RB1CC1: variants seen among roughly 807,000 people sequenced by gnomAD.
The protein encoded by RB1CC1 is RB1-inducible coiled-coil protein 1.
Under a neutral mutation model 177.5 loss-of-function variants are expected in RB1CC1, and 46 were observed. The observed-to-expected ratio is 0.26, with a 90% CI of 0.20 to 0.33. The LOEUF is 0.33. Ranked by LOEUF, RB1CC1 falls within the 10% of genes least tolerant of loss-of-function variation. The probability of loss-of-function intolerance (pLI) is 1.00; values close to 1 mark genes in which losing one functional copy is unlikely to be tolerated. For missense variants in RB1CC1, 1,703 were observed against 1,816.3 expected (o/e 0.94, Z 1.13); for synonymous variants, 666 against 613.6 (o/e 1.09, Z -1.26).
chr8:52,659,018 C>A, intron 12 of RB1CC1, 42 bp from the exon 13 acceptor site: 1 of 1,127,542 alleles, frequency 8.9e-7, no homozygotes, highest in Non-Finnish European at 1.2e-6. Context: ...TTTTTTTCAA[C>A]CAAAAACAGA....
chr8:52,712,351 G>C (rs1340055596), intron 1 of RB1CC1, among the ~76,000 whole-genome samples: 1 of 152,076 alleles, frequency 6.6e-6, no homozygotes, highest in East Asian at 1.9e-4. Context: ...TAATATTAGA[G>C]TCTAAAAACT....
At chr8:52,632,512 C>T (rs1007243608) in intron 20 of RB1CC1, among the ~76,000 whole-genome samples, 1 of 152,136 alleles carries the variant, frequency 6.6e-6, no homozygotes, top group African/African-American at 2.4e-5. Flanking sequence ...GACCATAATT[C>T]AACTTTAGTT....
At chr8:52,674,396 C>T (rs905018773) in intron 6 of RB1CC1, 122 bp from the exon 7 acceptor site, 22 of 820,650 alleles carry the variant, frequency 2.7e-5, no homozygotes, top group Non-Finnish European at 3.9e-5. Context: ...TAACATTATA[C>T]ATACATAAAC....
At position 52,686,833 on chromosome 8, in the gene RB1CC1, A is replaced by C; in HGVS notation, c.-52+20T>G. 1 of 435,956 alleles carries C rather than the reference A, an allele frequency of 2.3e-6. No homozygotes were observed. Among genetic ancestry groups the C allele is most frequent in the Non-Finnish European group, 4.5e-6 (1 of 221,272 alleles). The allele number at this position is 435,956 out of a possible 1,614,324, so 27.0% of individuals were successfully genotyped here. On this transcript the variant is annotated intron_variant, in intron 2 of 23. Transcript: ENST00000025008. ...GGCAATAGATTAAACTCTGCTATAC[A>C]GGTAGAAACTGTGACTTACCGTCAG...
Position 52,683,644 on chromosome 8 carries a change from A to T in RB1CC1, c.274T>A (p.Phe92Ile). ...ATTTCCATGTCATTTTCTGTCGAAA[A>T]GGTAGTTTTAGGAATAGCAGGTGGA... Reference protein sequence around the residue: ...DRPPAIPKTTFSTENDMEIKV... With the variant: ...DRPPAIPKTTISTENDMEIKV... Residue 92 changes from phenylalanine to isoleucine, a missense_variant, in exon 5 of 24, where the codon TTT becomes ATT. Physicochemically the swap from Phe to Ile is conservative, Grantham distance 21. Coordinates refer to ENST00000025008, the MANE Select transcript of RB1CC1 (RefSeq NM_014781.5). 1 of 1,612,470 alleles carries T rather than the reference A, an allele frequency of 6.2e-7. No homozygotes were observed. The highest frequency in any genetic ancestry group is 8.5e-7 in the Non-Finnish European group (1 of 1,179,226).
intron 8 of RB1CC1, among the ~76,000 whole-genome samples, chr8:52,663,882 A>G (rs1851840041): frequency 6.6e-6 from 1 of 152,184 alleles, no homozygotes. Context: ...TTGTAGATAA[A>G]GCAATGGAAG....
At chr8:52,669,174 C>T (rs1269990831) in intron 7 of RB1CC1, among the ~76,000 whole-genome samples, 1 of 152,104 alleles carries the variant, frequency 6.6e-6, no homozygotes, top group African/African-American at 2.4e-5. Flanking sequence ...ATGCTTGTTC[C>T]TAATAAAACC....
chr8:52,652,857 AGACCAGCCT>A (rs1367726245), intron 15 of RB1CC1, among the ~76,000 whole-genome samples: 2 of 152,148 alleles, frequency 1.3e-5, no homozygotes, highest in African/African-American at 4.8e-5. Context: ...CAGGAGTTCG[AGACCAGCCT>A]GACCAACATG....
chr8:52,657,127 C>T lies in RB1CC1; in HGVS notation c.2702G>A (p.Cys901Tyr). 2 of 1,611,210 alleles carry T rather than the reference C, an allele frequency of 1.2e-6. No homozygotes were observed. Among genetic ancestry groups the T allele is most frequent in the South Asian group, 2.2e-5 (2 of 90,810 alleles). Residue 901 changes from cysteine (C) to tyrosine (Y), a missense_variant, in exon 15 of 24, where the codon TGC becomes TAC. Around this residue, in one of 6 missense-constraint regions of RB1CC1, gnomAD observed 1,169 missense variants for 1,184.7 expected, o/e 0.99. Transcript: ENST00000025008. ...TTTATTTTGTAAAACCTCCTCAAGG[C>T]ATACTAACTCTCCCTTCAATTTTTT... ...KIKKLKGELV[C>Y]LEEVLQNKDN...
intron 1 of RB1CC1, among the ~76,000 whole-genome samples, chr8:52,688,522 T>TG (rs1731693203): frequency 6.6e-6 from 1 of 152,198 alleles, no homozygotes; most frequent in Admixed American, 6.5e-5. Context: ...GTGGTCAGAC[T>TG]GGCTCTCTGC....
At chr8:52,695,584 T>C (rs763437698) in intron 1 of RB1CC1, among the ~76,000 whole-genome samples, 3 of 152,180 alleles carry the variant, frequency 2.0e-5, no homozygotes, top group South Asian at 2.1e-4. Flanking sequence ...AGGTGAGTCA[T>C]GTGGACAGTA....
intron 1 of RB1CC1, among the ~76,000 whole-genome samples, chr8:52,694,392 G>A (rs1464695733): frequency 6.6e-6 from 1 of 152,152 alleles, no homozygotes; most frequent in Non-Finnish European, 1.5e-5. Flanking sequence ...CTGTGGATCC[G>A]GAGACAGTCT....
intron 6 of RB1CC1, among the ~76,000 whole-genome samples, chr8:52,674,858 A>C (rs971697090): frequency 2.6e-5 from 4 of 152,212 alleles, no homozygotes; most frequent in African/African-American, 7.2e-5. Context: ...GATGTAACAA[A>C]TTTAAATTTA....
At chr8:52,674,811 T>C (rs957065619) in intron 6 of RB1CC1, among the ~76,000 whole-genome samples, 24 of 151,264 alleles carry the variant, frequency 1.6e-4, no homozygotes, top group African/African-American at 5.6e-4. Flanking sequence ...GTAGCTATAC[T>C]AAACAAGTGA....
At chr8:52,653,502 A>G (rs1850801853) in intron 15 of RB1CC1, among the ~76,000 whole-genome samples, 1 of 151,884 alleles carries the variant, frequency 6.6e-6, no homozygotes, top group Admixed American at 6.6e-5. Flanking sequence ...AAAACAGAAA[A>G]CTCTAGATCT....
chr8:52,692,313 T>C (rs975918457), intron 1 of RB1CC1, among the ~76,000 whole-genome samples: 7 of 152,144 alleles, frequency 4.6e-5, no homozygotes, highest in Non-Finnish European at 1.0e-4. Context: ...TGATACCTAC[T>C]TTCAGGGGGA....
intron 1 of RB1CC1, among the ~76,000 whole-genome samples, chr8:52,698,371 G>A (rs576864593): frequency 1.3e-5 from 2 of 151,996 alleles, no homozygotes; most frequent in East Asian, 3.9e-4. Flanking sequence ...CGCCCAGGCT[G>A]GAGTACAGTG....
intron 5 of RB1CC1, among the ~76,000 whole-genome samples, chr8:52,679,551 A>G (rs1206014803): frequency 2.6e-5 from 4 of 152,230 alleles, no homozygotes; most frequent in Non-Finnish European, 4.4e-5. Context: ...TACTTCTTAC[A>G]CATAATCATG....
intron 1 of RB1CC1, among the ~76,000 whole-genome samples, chr8:52,712,820 T>C (rs1303324489): frequency 1.3e-5 from 2 of 152,210 alleles, no homozygotes; most frequent in Admixed American, 6.5e-5. Flanking sequence ...TAGGGCCATA[T>C]TCTGTTACAA....
Sources: gnomAD v4.1 joint callset for allele counts (sites outside exome capture counted in the v4.1 genomes callset) on GRCh38, gnomAD v4.1.1 for gene constraint, gnomAD v4.1.1 regional missense constraint, MANE v1.5 for transcripts, NCBI Gene and HGNC (gene_info 2026-07-23, HGNC 2026-07-21) for gene names.